ARHGAP25: variants seen among roughly 807,000 people sequenced by gnomAD.
The protein encoded by ARHGAP25 is Rho GTPase activating protein 25.
A neutral mutation model predicts 71.0 loss-of-function variants in ARHGAP25; 34 were observed. That is an observed-to-expected ratio of 0.48 (90% CI 0.36 to 0.64). ARHGAP25 has a LOEUF of 0.64. Among genes scored for constraint, ARHGAP25 ranks in the 30% least tolerant of loss-of-function variants. ARHGAP25 has a pLI of 0.00. For synonymous variants in ARHGAP25, 282 were observed against 296.5 expected, an observed-to-expected ratio of 0.95 and a Z score of 0.50; for missense variants, 706 against 805.1, an observed-to-expected ratio of 0.88 and a Z score of 1.49.
upstream of ARHGAP25, among the ~76,000 whole-genome samples, chr2:68,730,299 G>T (rs1291700402): frequency 6.6e-6 from 1 of 152,162 alleles, no homozygotes; most frequent in Admixed American, 6.5e-5. Context: ...CACTTGTATG[G>T]TGATTATGCA....
At chr2:68,812,862 G>A (rs974356130) in intron 5 of ARHGAP25, among the ~76,000 whole-genome samples, 3 of 152,154 alleles carry the variant, frequency 2.0e-5, no homozygotes, top group East Asian at 1.9e-4. Flanking sequence ...GTGAACCTCA[G>A]AACTATTTTA....
chr2:68,741,760 T>TTA (rs1675533377), intron 1 of ARHGAP25, among the ~76,000 whole-genome samples: 1 of 152,160 alleles, frequency 6.6e-6, no homozygotes, highest in Non-Finnish European at 1.5e-5. Context: ...CTAAGAAAGG[T>TTA]TCAAGGAATA....
chr2:68,722,714 C>T (rs1674792092), intron 2 of ARHGAP25, among the ~76,000 whole-genome samples: 1 of 152,118 alleles, frequency 6.6e-6, no homozygotes, highest in South Asian at 2.1e-4. Flanking sequence ...AGGATTTGAA[C>T]CCACTCTGGC....
chr2:68,715,529 T>C (rs1341449848), intron 2 of ARHGAP25, among the ~76,000 whole-genome samples: 1 of 152,140 alleles, frequency 6.6e-6, no homozygotes, highest in East Asian at 1.9e-4. Context: ...GAGGCGGTCG[T>C]GCTCTTGAAA....
At chr2:68,814,223 T>C (rs1681040900) in intron 6 of ARHGAP25, among the ~76,000 whole-genome samples, 1 of 152,220 alleles carries the variant, frequency 6.6e-6, no homozygotes, top group African/African-American at 2.4e-5. Context: ...TAACCTTGAT[T>C]TTGCCATTAG....
intron 1 of ARHGAP25, among the ~76,000 whole-genome samples, chr2:68,738,228 G>C (rs568423382): frequency 6.7e-6 from 1 of 150,364 alleles, no homozygotes; most frequent in South Asian, 2.1e-4. Flanking sequence ...CTTTTTAACT[G>C]AATTGTCATC....
At chr2:68,726,981 C>T (rs550197975) in intron 2 of ARHGAP25, among the ~76,000 whole-genome samples, 2 of 151,994 alleles carry the variant, frequency 1.3e-5, no homozygotes, top group East Asian at 3.9e-4. Flanking sequence ...TAATTTTGTG[C>T]CTTGTAAATA....
At position 68,711,363 on chromosome 2, in the gene ARHGAP25, T is replaced by A. The variant is rs182347060; in HGVS notation, c.-18+665T>A. Among the ~76,000 whole-genome samples, 5 of 152,296 alleles carry A rather than the reference T, an allele frequency of 3.3e-5. No homozygotes were observed. The East Asian group carries it at 9.6e-4, about 29-fold the overall frequency. Reference sequence around the variant, plus strand: ...GGTTGATATTTTGCCAACCTCATTATGATGATTTTAACTCAATTATTAGTA... The same window carrying A: ...GGTTGATATTTTGCCAACCTCATTAAGATGATTTTAACTCAATTATTAGTA... On this transcript the variant is annotated intron_variant and NMD_transcript_variant, in intron 2 of 7. Coordinates refer to the ARHGAP25 transcript ENST00000463483.
intron 2 of ARHGAP25, among the ~76,000 whole-genome samples, chr2:68,721,314 T>G (rs1356146507): frequency 6.6e-6 from 1 of 152,210 alleles, no homozygotes; most frequent in Non-Finnish European, 1.5e-5. Context: ...ATTGTATATT[T>G]CTGAGCATTA....
chr2:68,780,425 AG>A (rs1678240965), intron 2 of ARHGAP25, among the ~76,000 whole-genome samples: 1 of 152,236 alleles, frequency 6.6e-6, no homozygotes, highest in Non-Finnish European at 1.5e-5. Flanking sequence ...CATCCAAAGT[AG>A]CTCAGCAGCA....
intron 5 of ARHGAP25, among the ~76,000 whole-genome samples, chr2:68,810,248 G>A (rs1680687530): frequency 6.6e-6 from 1 of 151,932 alleles, no homozygotes; most frequent in African/African-American, 2.4e-5. Context: ...GTTAGCCCTA[G>A]TACAATGGGG....
intron 2 of ARHGAP25, among the ~76,000 whole-genome samples, chr2:68,717,215 A>G (rs1415712518): frequency 6.6e-6 from 1 of 152,234 alleles, no homozygotes; most frequent in Non-Finnish European, 1.5e-5. Context: ...TAAACATAGA[A>G]AAGGTACAGT....
rs1006117082 is a variant in ARHGAP25, at chr2:68,787,760, A to T, written c.350-80A>T. Reference sequence around the variant, plus strand: ...CTTCATTGAACCAAGACATCAATTTAGGTCTGGTTCCCTTCTCTTCCCCTT... The same window carrying T: ...CTTCATTGAACCAAGACATCAATTTTGGTCTGGTTCCCTTCTCTTCCCCTT... On this transcript the variant is annotated intron_variant, in intron 3 of 10. Transcript: ENST00000409202. The T allele has an allele frequency of 9.0e-5, 98 of 1,091,318 alleles. 2 individuals carry two copies. The Admixed American group carries it at 1.4e-3, about 16-fold the overall frequency. 67.6% of individuals were successfully genotyped at this position (1,091,318 alleles called of 1,614,324 possible). A position where few individuals can be genotyped will look rare whatever the true frequency, so the allele number is the denominator to read the frequency against.
intron 2 of ARHGAP25, among the ~76,000 whole-genome samples, chr2:68,714,048 TCA>T (rs1381133824): frequency 6.6e-6 from 1 of 152,236 alleles, no homozygotes; most frequent in Non-Finnish European, 1.5e-5. Flanking sequence ...TGAAATAGTT[TCA>T]GAAGGAATGG....
In ARHGAP25 at chr2:68,822,858, G is replaced by A; in HGVS notation, c.1719G>A (p.Glu573=). Residue 573 remains glutamate (E), a synonymous_variant, in exon 10 of 11, where the codon GAG becomes GAA. Coordinates refer to ENST00000409202, the MANE Select transcript of ARHGAP25 (RefSeq NM_001007231.3). The part of the protein sequence containing the change: ...KEIETQKQMY[E]EQIKNLEKEN... ...TAGAAACACAGAAGCAAATGTATGA[G>A]GAACAGATTAAAAAGTAAGTCAGAC... 1 of 1,611,116 alleles carries A rather than the reference G, an allele frequency of 6.2e-7. No individual in the cohort carries two copies. Among genetic ancestry groups the A allele is most frequent in the Non-Finnish European group, 8.5e-7 (1 of 1,179,158 alleles).
chr2:68,801,434 G>T (rs1344754865), intron 4 of ARHGAP25, among the ~76,000 whole-genome samples: 8 of 152,202 alleles, frequency 5.3e-5, no homozygotes, highest in Admixed American at 5.2e-4. Context: ...AAAGCCACAT[G>T]AGAAAGTGTC....
upstream of ARHGAP25, among the ~76,000 whole-genome samples, chr2:68,732,763 AGCAGACAGGGTGT>A (rs1341576617): frequency 3.9e-5 from 6 of 152,186 alleles, no homozygotes; most frequent in East Asian, 9.6e-4. Flanking sequence ...ATGGAATGTG[AGCAGACAGGGTGT>A]GCGCAGAGGC....
At chr2:68,778,478 A>G (rs1678082035) in intron 2 of ARHGAP25, among the ~76,000 whole-genome samples, 1 of 152,230 alleles carries the variant, frequency 6.6e-6, no homozygotes, top group South Asian at 2.1e-4. Context: ...TGTCTCTTTA[A>G]AAATATTTTT....
rs1682125120 is a variant in ARHGAP25 at position 68,826,228 on chromosome 2, G to A, written c.*34G>A. On this transcript the variant is annotated 3_prime_UTR_variant, in exon 11 of 11. Transcript: ENST00000409202. Reference sequence around the variant, plus strand: ...GGAGTACTGCAGGGACAGCCCCAGAGAGGCCCAACTCTGGCCCCTTTCTCA... The same window carrying A: ...GGAGTACTGCAGGGACAGCCCCAGAAAGGCCCAACTCTGGCCCCTTTCTCA... The A allele has an allele frequency of 6.3e-7, 1 of 1,596,582 alleles. No individual in the cohort carries two copies. Among genetic ancestry groups the A allele is most frequent in the Admixed American group, 1.7e-5 (1 of 59,934 alleles).
Sources: gnomAD v4.1 joint callset for allele counts (sites outside exome capture counted in the v4.1 genomes callset) on GRCh38, gnomAD v4.1.1 for gene constraint, MANE v1.5 for transcripts, NCBI Gene and HGNC (gene_info 2026-07-23, HGNC 2026-07-21) for gene names.